The following GABRR3 variants were observed in gnomAD, a reference collection of about 807,000 sequenced individuals.
GABRR3 encodes gamma-aminobutyric acid type A receptor subunit rho3.
Under a neutral mutation model 43.2 loss-of-function variants are expected in GABRR3, and 29 were observed. The ratio of observed to expected loss-of-function variants is 0.67; its 90% confidence interval spans 0.50 to 0.92. The LOEUF is 0.92. Among genes scored for constraint, GABRR3 ranks in the 40% least tolerant of loss-of-function variants. The pLI is 0.00. For missense variants in GABRR3, 576 were observed against 572.3 expected (o/e 1.01, Z -0.07); for synonymous variants, 206 against 195.9 (o/e 1.05, Z -0.43).
chr3:97,994,099 G>A (rs760533726), intron 8 of GABRR3, among the ~76,000 whole-genome samples: 10 of 152,302 alleles, frequency 6.6e-5, no homozygotes, highest in African/African-American at 9.6e-5. Context: ...AAATGGAATC[G>A]CTAATGATTT....
At chr3:98,027,413 T>A (rs940006579) in intron 2 of GABRR3, among the ~76,000 whole-genome samples, 1 of 152,252 alleles carries the variant, frequency 6.6e-6, no homozygotes, top group African/African-American at 2.4e-5. Flanking sequence ...GAGTGAAAAC[T>A]CATGAAAATT....
chr3:98,003,962 A>T (rs1329154002), intron 7 of GABRR3, among the ~76,000 whole-genome samples: 1 of 152,152 alleles, frequency 6.6e-6, no homozygotes, highest in East Asian at 1.9e-4. Flanking sequence ...CATCTGAACT[A>T]AATTTTGGAT....
chr3:97,993,222 C>G lies in GABRR3; in HGVS notation c.908-174G>C, dbSNP rs772031660. ...TATCTTGAGCCTAAACAAACACTCT[C>G]ACTGGATTTTTCTGTCTCTTTTTCT... On this transcript the variant is annotated intron_variant, in intron 8 of 9. Coordinates refer to ENST00000621172, the Ensembl canonical transcript of GABRR3. Among the ~76,000 whole-genome samples, 16 of 152,294 alleles carry G rather than the reference C, an allele frequency of 1.1e-4. No homozygotes were observed. The East Asian group carries it at 1.9e-3, about 18-fold the overall frequency.
chr3:98,002,146 T>C (rs536036974), intron 7 of GABRR3, among the ~76,000 whole-genome samples: 4 of 152,092 alleles, frequency 2.6e-5, no homozygotes, highest in African/African-American at 4.8e-5. Flanking sequence ...TTATTAGCTA[T>C]AACAAATGAA....
At chr3:98,027,468 T>G (rs974683161) in intron 2 of GABRR3, among the ~76,000 whole-genome samples, 1 of 152,378 alleles carries the variant, frequency 6.6e-6, no homozygotes, top group Admixed American at 6.5e-5. Flanking sequence ...CTAAATGGCA[T>G]GTCACTAATG....
At position 98,009,048 on chromosome 3, in the gene GABRR3, G is replaced by T. The variant is rs756457344; in HGVS notation, c.531-10C>A. 2.5e-6 allele frequency: 4 copies of T among 1,584,098 alleles called. No homozygotes were observed. The highest frequency in any genetic ancestry group is 2.3e-5 in the South Asian group (2 of 86,872). Reference sequence around the variant, plus strand: ...GGCCGAAACCGTTATCCTATAAAAAGAATGAGAAAAAGAAAACTGCAGATC... The same window carrying T: ...GGCCGAAACCGTTATCCTATAAAAATAATGAGAAAAAGAAAACTGCAGATC... On this transcript the variant is annotated splice_polypyrimidine_tract_variant and intron_variant, in intron 5 of 9. Coordinates refer to ENST00000621172, the Ensembl canonical transcript of GABRR3.
At position 98,001,599 on chromosome 3, in the gene GABRR3, A is replaced by C. The variant is rs1464051040; in HGVS notation, c.907+16T>G. 12 of 1,612,194 alleles carry C rather than the reference A, an allele frequency of 7.4e-6. No individual in the cohort carries two copies. Among genetic ancestry groups the C allele is most frequent in the Non-Finnish European group, 1.0e-5 (12 of 1,178,806 alleles). ...TCTCCCATGTTAACATTTTATAAAG[A>C]TGGGGAAAGATTTACCCAGGGAAAC... On this transcript the variant is annotated intron_variant, in intron 8 of 9. Transcript: ENST00000621172.
chr3:98,003,426 T>C (rs1443362306), intron 7 of GABRR3, among the ~76,000 whole-genome samples: 1 of 151,552 alleles, frequency 6.6e-6, no homozygotes, highest in African/African-American at 2.4e-5. Context: ...CTTTTTTTTT[T>C]TTTTTGGTGG....
downstream of GABRR3, among the ~76,000 whole-genome samples, chr3:97,985,227 A>G (rs1706368673): frequency 6.6e-6 from 1 of 152,260 alleles, no homozygotes; most frequent in African/African-American, 2.4e-5. Flanking sequence ...TACTCAAAAC[A>G]AAAGCATGCA....
intron 3 of GABRR3, among the ~76,000 whole-genome samples, chr3:98,025,364 T>G (rs1239970006): frequency 2.0e-5 from 3 of 152,232 alleles, no homozygotes; most frequent in Non-Finnish European, 4.4e-5. Flanking sequence ...ACAGTGTGCA[T>G]AGTAGGAAAA....
intron 7 of GABRR3, 187 bp from the exon 8 acceptor site, chr3:98,001,954 A>G (rs1458064886): frequency 5.8e-6 from 1 of 172,574 alleles, no homozygotes; most frequent in East Asian, 1.9e-4. Flanking sequence ...AGTCTGCTTA[A>G]TTATTTGACT....
At chr3:98,000,195 G>T (rs985849060) in intron 8 of GABRR3, 2 of 152,120 alleles carry the variant, frequency 1.3e-5, no homozygotes, top group African/African-American at 4.8e-5. Flanking sequence ...GGGATCAGAT[G>T]TGGTTGCAAG....
At chr3:98,016,680 C>T (rs1706876432) in intron 4 of GABRR3, among the ~76,000 whole-genome samples, 1 of 152,088 alleles carries the variant, frequency 6.6e-6, no homozygotes, top group Admixed American at 6.5e-5. Context: ...TCTGAAACTA[C>T]ATTAACAAAT....
At position 98,025,695 on chromosome 3, in the gene GABRR3, GA is replaced by G. The variant is rs747633231; in HGVS notation, c.126-17del. On this transcript the variant is annotated splice_polypyrimidine_tract_variant and intron_variant, in intron 2 of 9. Coordinates refer to ENST00000621172, the Ensembl canonical transcript of GABRR3. The stretch of plus-strand genomic sequence containing the variant: ...TTCTTGTTTGCTGTTCCCCCAAAGG[GA>G]AAAAAAAAACTTCTGAGATACATAT... 5.8e-4 allele frequency: 839 copies of G among 1,446,342 alleles called. No individual in the cohort carries two copies. The highest frequency in any genetic ancestry group is 1.1e-3 in the Admixed American group (53 of 47,372). The allele number at this position is 1,446,342 out of a possible 1,614,324, so 89.6% of individuals were successfully genotyped here. A position where few individuals can be genotyped will look rare whatever the true frequency, so the allele number is the denominator to read the frequency against.
At chr3:97,988,806 A>G (rs1406178536) in intron 9 of GABRR3, among the ~76,000 whole-genome samples, 1 of 147,410 alleles carries the variant, frequency 6.8e-6, no homozygotes, top group Non-Finnish European at 1.5e-5. Flanking sequence ...GATGGTGGTC[A>G]TGGTGGGTGG....
At chr3:97,995,125 T>G (rs866627334) in intron 8 of GABRR3, among the ~76,000 whole-genome samples, 1 of 152,038 alleles carries the variant, frequency 6.6e-6, no homozygotes, top group Non-Finnish European at 1.5e-5. Flanking sequence ...ATTACAGGCA[T>G]GCACCACCAC....
intron 8 of GABRR3, among the ~76,000 whole-genome samples, chr3:97,994,180 C>G (rs1200004769): frequency 6.6e-6 from 1 of 152,196 alleles, no homozygotes; most frequent in East Asian, 1.9e-4. Flanking sequence ...CTGTGATTTA[C>G]TCCTAAATGT....
chr3:97,985,245 A>G (rs862812), downstream of GABRR3, among the ~76,000 whole-genome samples: 149,480 of 152,342 alleles, frequency 0.98, 73,400 homozygotes, highest in Middle Eastern at 1. Flanking sequence ...GCACACTGCC[A>G]ATCTGCAAAA....
Position 97,986,997 on chromosome 3 carries a change from T to G in GABRR3, c.1105-15A>C. 6.6e-7 allele frequency: 1 copy of G among 1,517,302 alleles called. No homozygotes were observed. Among genetic ancestry groups the G allele is most frequent in the Non-Finnish European group, 8.8e-7 (1 of 1,132,422 alleles). The allele number at this position is 1,517,302 out of a possible 1,614,324, so 94.0% of individuals were successfully genotyped here. ...ATCCTAGAAATCTGTCAAAAAACTT[T>G]TTTTTAAAGTAGGTCTTGAATATGG... On this transcript the variant is annotated splice_polypyrimidine_tract_variant and intron_variant, in intron 9 of 9. Coordinates refer to ENST00000621172, the Ensembl canonical transcript of GABRR3.
Sources: gnomAD v4.1 joint callset for allele counts (sites outside exome capture counted in the v4.1 genomes callset) on GRCh38, gnomAD v4.1.1 for gene constraint, MANE v1.5 for transcripts, NCBI Gene and HGNC (gene_info 2026-07-23, HGNC 2026-07-21) for gene names.